Variants in RFC3 observed in about 807,000 individuals in gnomAD.
RFC3 encodes the protein replication factor C subunit 3, also known as A1 38 kDa subunit.
In RFC3, 41 loss-of-function variants were observed where a neutral mutation model predicts 45.1. The observed-to-expected ratio is 0.91, with a 90% confidence interval of 0.71 to 1.18. The LOEUF is 1.18. RFC3 is among the 50% of genes most tolerant of loss of function. The pLI is 0.00. For synonymous variants in RFC3, 149 were observed against 144.0 expected (o/e 1.03, Z -0.25); for missense variants, 423 against 428.1 (o/e 0.99, Z 0.10).
At chr13:33,834,329 T>TATATATATATATACATAC (rs1300798923) in intron 7 of RFC3, among the ~76,000 whole-genome samples, 8 of 125,084 alleles carry the variant, frequency 6.4e-5, no homozygotes, top group Non-Finnish European at 9.6e-5. Context: ...TATATATATA[T>TATATATATATATACATAC]ATCTGTACTG....
chr13:33,828,210 A>G (rs569667070), intron 4 of RFC3, among the ~76,000 whole-genome samples: 1 of 152,046 alleles, frequency 6.6e-6, no homozygotes, highest in Non-Finnish European at 1.5e-5. Flanking sequence ...TCTATTCCCT[A>G]TCTTATTTTC....
chr13:33,901,519 G>A (rs953335647), intron 8 of RFC3, among the ~76,000 whole-genome samples: 1 of 152,138 alleles, frequency 6.6e-6, no homozygotes, highest in South Asian at 2.1e-4. Context: ...TAGACTGGCA[G>A]TTACCAGAGG....
rs567668965 is a variant in RFC3, at chr13:33,943,441, A to G, written c.880-22646A>G. On this transcript the variant is annotated intron_variant, in intron 8 of 8. Transcript: ENST00000434425. ...AGGAGTCTGAGCATGCCCTACCTAC[A>G]TGGTTTTTGCAAGGTTTCACAAAGC... Among the ~76,000 whole-genome samples the G allele has an allele frequency of 3.9e-5, 6 of 152,226 alleles. No homozygotes were observed. In the East Asian group the frequency reaches 9.7e-4, roughly 25 times the overall value.
chr13:33,928,296 C>T (rs532427612), intron 8 of RFC3, among the ~76,000 whole-genome samples: 27 of 152,110 alleles, frequency 1.8e-4, no homozygotes, highest in African/African-American at 3.1e-4. Context: ...GCAAGTACTA[C>T]GCAAAAATAG....
At chr13:33,869,319 T>A (rs985367664) in intron 8 of RFC3, among the ~76,000 whole-genome samples, 4 of 152,154 alleles carry the variant, frequency 2.6e-5, no homozygotes, top group African/African-American at 9.7e-5. Context: ...CAAGACTGAT[T>A]CATGGATAAC....
chr13:33,900,845 A>AC (rs1430229844), intron 8 of RFC3, among the ~76,000 whole-genome samples: 1 of 151,462 alleles, frequency 6.6e-6, no homozygotes, highest in Admixed American at 6.6e-5. Flanking sequence ...AAAAAAAAAA[A>AC]AATAATAAAT....
At chr13:33,856,585 A>G (rs778360138) in intron 8 of RFC3, among the ~76,000 whole-genome samples, 1 of 152,216 alleles carries the variant, frequency 6.6e-6, no homozygotes, top group Non-Finnish European at 1.5e-5. Flanking sequence ...TTAAGTAAGC[A>G]AGTCATGGAA....
At chr13:33,926,556 G>A (rs2082814985) in intron 8 of RFC3, among the ~76,000 whole-genome samples, 1 of 151,978 alleles carries the variant, frequency 6.6e-6, no homozygotes, top group Non-Finnish European at 1.5e-5. Flanking sequence ...TTCTTTCACA[G>A]TAAACAAATT....
At chr13:33,821,102 A>G (rs370485608) in intron 1 of RFC3, 30 bp from the exon 2 acceptor site, 29 of 1,611,812 alleles carry the variant, frequency 1.8e-5, no homozygotes, top group Non-Finnish European at 2.3e-5. Flanking sequence ...CAGTTTGACT[A>G]GGGAAAAATG....
intron 8 of RFC3, among the ~76,000 whole-genome samples, chr13:33,874,672 C>G (rs1045863434): frequency 7.2e-5 from 11 of 152,262 alleles, no homozygotes; most frequent in African/African-American, 2.6e-4. Flanking sequence ...CATCTGAGCT[C>G]TATGATTGGA....
At chr13:33,930,508 G>A (rs140985176) in intron 8 of RFC3, among the ~76,000 whole-genome samples, 2,760 of 152,210 alleles carry the variant, frequency 0.018, 70 homozygotes, top group African/African-American at 0.063. Flanking sequence ...AGCCAGGCTG[G>A]CAGCTGATTA....
Position 33,898,494 on chromosome 13 carries a change from GATACCGA to G in RFC3, c.879+63279_879+63285del, listed in dbSNP as rs773549362. Among the ~76,000 whole-genome samples the G allele has an allele frequency of 1.2e-4, 18 of 151,884 alleles. No individual in the cohort carries two copies. The South Asian group carries it at 2.7e-3, about 23-fold the overall frequency. On this transcript the variant is annotated intron_variant, in intron 8 of 8. Transcript: ENST00000434425. ...AAATAAAACATACCAAAATCTATGG[GATACCGA>G]AAAAGCAGTGTTAAGAGGAAAGTTT...
intron 8 of RFC3, among the ~76,000 whole-genome samples, chr13:33,862,159 C>T (rs2082344774): frequency 6.6e-6 from 1 of 152,154 alleles, no homozygotes; most frequent in Non-Finnish European, 1.5e-5. Flanking sequence ...AGCTAAGTCG[C>T]TCAGGTCTCT....
chr13:33,895,779 G>A (rs1593673857), intron 8 of RFC3, among the ~76,000 whole-genome samples: 1 of 152,032 alleles, frequency 6.6e-6, no homozygotes, highest in South Asian at 2.1e-4. Flanking sequence ...CCAAAGAGTG[G>A]ATAATGAAAA....
chr13:33,916,888 T>G (rs1593689993), intron 8 of RFC3, among the ~76,000 whole-genome samples: 1 of 152,200 alleles, frequency 6.6e-6, no homozygotes, highest in African/African-American at 2.4e-5. Context: ...TTGGTTTATA[T>G]AACTTCCCAC....
chr13:33,969,836 C>A (rs1299369418), downstream of RFC3, among the ~76,000 whole-genome samples: 2 of 151,392 alleles, frequency 1.3e-5, no homozygotes, highest in African/African-American at 4.9e-5. Context: ...TATATGTGAG[C>A]ATATTTCTGG....
downstream of RFC3, among the ~76,000 whole-genome samples, chr13:33,837,982 A>G (rs1200993527): frequency 6.6e-6 from 1 of 151,682 alleles, no homozygotes; most frequent in Non-Finnish European, 1.5e-5. Flanking sequence ...GTGTTGTTCA[A>G]TTTCCAAGTC....
At chr13:33,864,584 G>C (rs908814120) in intron 8 of RFC3, among the ~76,000 whole-genome samples, 1 of 152,116 alleles carries the variant, frequency 6.6e-6, no homozygotes, top group Non-Finnish European at 1.5e-5. Context: ...GTTGGGGAGT[G>C]TGACTGGAGG....
chr13:33,925,266 C>A (rs1399609346), intron 8 of RFC3, among the ~76,000 whole-genome samples: 2 of 53,650 alleles, frequency 3.7e-5, no homozygotes, highest in African/African-American at 8.6e-5. Context: ...ATATAGTGTA[C>A]TATATACATA....
Sources: gnomAD v4.1 joint callset for allele counts (sites outside exome capture counted in the v4.1 genomes callset) on GRCh38, gnomAD v4.1.1 for gene constraint, MANE v1.5 for transcripts, NCBI Gene and HGNC (gene_info 2026-07-23, HGNC 2026-07-21) for gene names.